NRXN1: variants seen among roughly 807,000 people sequenced by gnomAD.
The protein encoded by NRXN1 is neurexin-1.
NRXN1 carries 39 observed loss-of-function variants against 150.9 expected under a neutral mutation model. The ratio of observed to expected loss-of-function variants is 0.26; its 90% CI spans 0.20 to 0.34. NRXN1 has a LOEUF of 0.34. NRXN1 is among the 10% of genes least tolerant of loss of function. The pLI is 1.00. For synonymous variants in NRXN1, 924 were observed against 757.0 expected (o/e 1.22, Z -3.62); for missense variants, 1,815 against 1,949.9 (o/e 0.93, Z 1.30).
intron 17 of NRXN1, among the ~76,000 whole-genome samples, chr2:50,256,047 C>T (rs1403304044): frequency 6.6e-6 from 1 of 152,116 alleles, no homozygotes; most frequent in Non-Finnish European, 1.5e-5. Flanking sequence ...CTACATTTAA[C>T]CAAGAGAGCA....
intron 5 of NRXN1, among the ~76,000 whole-genome samples, chr2:50,890,718 C>T (rs767685762): frequency 2.0e-5 from 3 of 151,428 alleles, no homozygotes; most frequent in Admixed American, 1.3e-4. Flanking sequence ...ACAATTAAAA[C>T]AAAAAACATG....
chr2:50,338,407 C>T (rs1225387415), intron 17 of NRXN1, among the ~76,000 whole-genome samples: 1 of 152,050 alleles, frequency 6.6e-6, no homozygotes. Context: ...AGGAAATAAG[C>T]TATCAAATGG....
intron 15 of NRXN1, among the ~76,000 whole-genome samples, chr2:50,484,990 G>A (rs1018475407): frequency 7.2e-5 from 11 of 152,022 alleles, no homozygotes; most frequent in African/African-American, 2.7e-4. Context: ...AATACAGATG[G>A]CAGTATTTAA....
intron 5 of NRXN1, among the ~76,000 whole-genome samples, chr2:50,663,044 T>C (rs1220315958): frequency 2.0e-5 from 3 of 152,178 alleles, no homozygotes; most frequent in Non-Finnish European, 4.4e-5. Flanking sequence ...TGAGAAATGA[T>C]GCCCAGTAAT....
chr2:50,543,542 A>T (rs2093432392), intron 9 of NRXN1, among the ~76,000 whole-genome samples: 2 of 152,150 alleles, frequency 1.3e-5, no homozygotes, highest in South Asian at 4.1e-4. Flanking sequence ...GGTAAAATGA[A>T]GGTGATAAGC....
At chr2:50,464,218 AT>A (rs2088569685) in intron 17 of NRXN1, among the ~76,000 whole-genome samples, 1 of 151,872 alleles carries the variant, frequency 6.6e-6, no homozygotes, top group East Asian at 1.9e-4. Flanking sequence ...CTGTAATTCT[AT>A]GGGAGAGGAA....
intron 2 of NRXN1, among the ~76,000 whole-genome samples, chr2:51,022,189 A>G (rs538731408): frequency 6.6e-6 from 1 of 152,266 alleles, no homozygotes; most frequent in East Asian, 1.9e-4. Flanking sequence ...AATAGTAACA[A>G]AAGTAACACG....
intron 5 of NRXN1, among the ~76,000 whole-genome samples, chr2:50,686,740 G>A (rs943124481): frequency 2.6e-5 from 4 of 152,154 alleles, no homozygotes; most frequent in South Asian, 2.1e-4. Context: ...TAAAGGTAAC[G>A]GGTAGAGACT....
chr2:50,736,663 CTT>C (rs1230487824), intron 5 of NRXN1, among the ~76,000 whole-genome samples: 2 of 152,108 alleles, frequency 1.3e-5, no homozygotes, highest in East Asian at 3.9e-4. Context: ...CTCATTCTCT[CTT>C]GTCTGCTGCC....
chr2:50,715,249 T>C (rs1695718271), intron 5 of NRXN1, among the ~76,000 whole-genome samples: 1 of 152,142 alleles, frequency 6.6e-6, no homozygotes, highest in Non-Finnish European at 1.5e-5. Flanking sequence ...TGATTAATAG[T>C]CATCATCTGA....
intron 5 of NRXN1, among the ~76,000 whole-genome samples, chr2:50,731,276 C>T (rs954548628): frequency 7.2e-5 from 11 of 152,242 alleles, no homozygotes; most frequent in African/African-American, 2.4e-4. Flanking sequence ...ACTGGAATGA[C>T]TTCTAAAAAT....
At chr2:50,761,711 A>G (rs985778363) in intron 5 of NRXN1, among the ~76,000 whole-genome samples, 6 of 151,854 alleles carry the variant, frequency 4.0e-5, no homozygotes, top group African/African-American at 7.2e-5. Context: ...TTAACATTTG[A>G]GTCAGTGGAC....
chr2:50,494,996 A>C (rs956891274), intron 15 of NRXN1, among the ~76,000 whole-genome samples: 195 of 148,718 alleles, frequency 1.3e-3, no homozygotes, highest in Non-Finnish European at 1.9e-3. Flanking sequence ...GTGCCACTGC[A>C]CTCCAGCCTG....
intron 13 of NRXN1, among the ~76,000 whole-genome samples, chr2:50,501,951 C>T (rs1354663275): frequency 6.6e-6 from 1 of 152,116 alleles, no homozygotes; most frequent in African/African-American, 2.4e-5. Context: ...TCTCTAGTAC[C>T]TTCCTTGCAG....
intron 5 of NRXN1, among the ~76,000 whole-genome samples, chr2:50,802,739 A>AT (rs1707795614): frequency 6.6e-6 from 1 of 152,108 alleles, no homozygotes; most frequent in South Asian, 2.1e-4. Flanking sequence ...ATCCAATATG[A>AT]TTTTTTGCTC....
In NRXN1 at chr2:50,347,621, C is replaced by G. The variant is rs1009132250; in HGVS notation, c.3365-110651G>C. ...TCCGCCGCCTCCTGACACTTACGCC[C>G]GGCGAGGGGTTCAGAGGGAAGAGTG... On this transcript the variant is annotated intron_variant, in intron 17 of 22. Transcript: ENST00000401669. This position sits in a 1 kb window ranked among gnomAD's most constrained non-coding sequence, Gnocchi z 4.9. 1.0e-6 allele frequency: 1 copy of G among 1,004,046 alleles called. No homozygotes were observed. Among genetic ancestry groups the G allele is most frequent in the African/African-American group, 1.7e-5 (1 of 57,294 alleles). The allele number at this position is 1,004,046 out of a possible 1,614,324, so 62.2% of individuals were successfully genotyped here.
intron 21 of NRXN1, among the ~76,000 whole-genome samples, chr2:49,944,262 T>C (rs1226864540): frequency 1.3e-5 from 2 of 152,206 alleles, no homozygotes; most frequent in African/African-American, 4.8e-5. Flanking sequence ...TAGCTTGTTA[T>C]TGGAGGAAAC....
At chr2:50,226,933 C>T (rs777557993) in intron 18 of NRXN1, among the ~76,000 whole-genome samples, 1 of 151,950 alleles carries the variant, frequency 6.6e-6, no homozygotes, top group Non-Finnish European at 1.5e-5. Context: ...ATTATTTCAA[C>T]AAATACTGAT....
At chr2:50,687,232 T>C (rs1691370371) in intron 5 of NRXN1, among the ~76,000 whole-genome samples, 1 of 152,292 alleles carries the variant, frequency 6.6e-6, no homozygotes, top group South Asian at 2.1e-4. Flanking sequence ...AAGGAGCAAT[T>C]CTGGATAACT....
Sources: allele counts gnomAD v4.1 joint callset (sites outside exome capture counted in the v4.1 genomes callset), GRCh38; gene constraint gnomAD v4.1.1; non-coding constraint Gnocchi (gnomAD v3.1); transcripts MANE v1.5; gene names NCBI Gene and HGNC (gene_info 2026-07-23, HGNC 2026-07-21).